Variants in DMD observed in about 807,000 individuals in gnomAD.
The protein encoded by DMD is mutant dystrophin.
A neutral mutation model predicts 330.1 loss-of-function variants in DMD; 63 were observed. The ratio of observed to expected loss-of-function variants is 0.19; its 90% CI spans 0.16 to 0.24. DMD has a LOEUF of 0.24. Ranked by LOEUF, DMD falls within the 10% of genes least tolerant of loss-of-function variation. The probability of loss-of-function intolerance (pLI) is 1.00; values close to 1 mark genes in which losing one functional copy is unlikely to be tolerated. For synonymous variants in DMD, 1,223 were observed against 959.8 expected (o/e 1.27, Z -5.07); for missense variants, 3,344 against 2,684.1 (o/e 1.25, Z -5.43).
chrX:31,774,048 C>A lies in DMD; in HGVS notation c.7454G>T (p.Trp2485Leu), dbSNP rs142500746. The A allele has an allele frequency of 8.3e-7, 1 of 1,207,993 alleles. No homozygotes were observed. Among genetic ancestry groups the A allele is most frequent in the African/African-American group, 1.8e-5 (1 of 56,537 alleles). ...FNRAWTELTD[W>L]LSLLDQVIKS... ...TATAACTTGATCAAGCAGAGAAAGC[C>A]AGTCGGTAAGTTCTGTCCAAGCCCG... The change falls in exon 51 of 79, where the codon TGG (tryptophan) becomes TTG (leucine). Residue 2485 changes from tryptophan (W) to leucine (L), a missense_variant. Physicochemically the swap from Trp to Leu is moderately conservative, Grantham distance 61. Coordinates refer to ENST00000357033, the MANE Select transcript of DMD (RefSeq NM_004006.3).
At position 32,936,061 on chromosome X, in the gene DMD, C is replaced by CA. The variant is rs758258526; in HGVS notation, c.93+84077dup. Among the ~76,000 whole-genome samples the CA allele has an allele frequency of 1.4e-4, 15 of 109,308 alleles. No homozygotes were observed. In the East Asian group the frequency reaches 3.4e-3, roughly 25 times the overall value. The allele number at this position is 109,308 out of a possible 115,157, so 94.9% of individuals were successfully genotyped here. On this transcript the variant is annotated intron_variant, in intron 2 of 78. Transcript: ENST00000357033. Reference sequence around the variant, plus strand: ...TTCTGTTCTTAATATTTCACACACACAAAAAAAACTGTCTAGAAACCACAG... The same window carrying CA: ...TTCTGTTCTTAATATTTCACACACACAAAAAAAAACTGTCTAGAAACCACAG...
At chrX:32,708,285 G>T (rs2064867516) in intron 7 of DMD, among the ~76,000 whole-genome samples, 1 of 100,315 alleles carries the variant, frequency 1.0e-5, no homozygotes, top group Non-Finnish European at 2.0e-5. Flanking sequence ...AAATGATCAG[G>T]TTTTTTTTTT....
In DMD at chrX:33,268,969, G is replaced by A. The variant is rs935778123; in HGVS notation, c.7+70290C>T. ...CTGGTGAGGCTGTAGATAAAAGGGAGTGCTTATACACTGTTGGTTGGAATG... is the reference window on the plus strand; with the variant it reads ...CTGGTGAGGCTGTAGATAAAAGGGAATGCTTATACACTGTTGGTTGGAATG... On this transcript the variant is annotated intron_variant, in intron 1 of 17. Coordinates refer to the DMD transcript ENST00000288447. Among the ~76,000 whole-genome samples the A allele has an allele frequency of 4.6e-4, 50 of 108,758 alleles. 1 individual carries two copies. Among genetic ancestry groups the A allele is most frequent in the Non-Finnish European group, 7.6e-5 (4 of 52,364 alleles). 94.4% of individuals were successfully genotyped at this position (108,758 alleles called of 115,157 possible).
intron 17 of DMD, among the ~76,000 whole-genome samples, chrX:32,519,933 G>A (rs2046257478): frequency 8.9e-6 from 1 of 111,841 alleles, no homozygotes; most frequent in African/African-American, 3.3e-5. Context: ...GCTGCCCATA[G>A]GATGAGATGG....
intron 63 of DMD, among the ~76,000 whole-genome samples, chrX:31,247,976 T>C (rs1026829166): frequency 1.8e-5 from 2 of 111,750 alleles, no homozygotes; most frequent in Non-Finnish European, 3.8e-5. Flanking sequence ...GCAGTCTTCA[T>C]TGTTGTCTTA....
intron 61 of DMD, among the ~76,000 whole-genome samples, chrX:31,325,008 A>G (rs751822296): frequency 1.8e-5 from 2 of 112,271 alleles, no homozygotes; most frequent in Non-Finnish European, 3.8e-5. Context: ...TTTAAACGAT[A>G]TAGGAAATGG....
rs985450615 is a variant in DMD at position 31,634,639 on chromosome X, A to T, written c.8028-6777T>A. ...AATCACGTAAGGAATTTTGAAAGACACATTTCATCTCTCATTTTTTTAACC... is the reference window on the plus strand; with the variant it reads ...AATCACGTAAGGAATTTTGAAAGACTCATTTCATCTCTCATTTTTTTAACC... On this transcript the variant is annotated intron_variant, in intron 54 of 78. Coordinates refer to ENST00000357033, the MANE Select transcript of DMD (RefSeq NM_004006.3). Among the ~76,000 whole-genome samples the T allele has an allele frequency of 8.1e-5, 9 of 111,801 alleles. No homozygotes were observed. The South Asian group carries it at 3.3e-3, about 41-fold the overall frequency.
At chrX:31,350,603 G>A (rs1372018038) in intron 60 of DMD, among the ~76,000 whole-genome samples, 1 of 45,903 alleles carries the variant, frequency 2.2e-5, no homozygotes, top group East Asian at 4.6e-4. Flanking sequence ...GTGTGTGTGT[G>A]TGTGTGTGTG....
At chrX:31,795,733 A>G (rs958047637) in intron 50 of DMD, among the ~76,000 whole-genome samples, 22 of 112,249 alleles carry the variant, frequency 2.0e-4, no homozygotes, top group African/African-American at 6.5e-4. Context: ...TCAGTAAAAT[A>G]TTATGATACT....
At chrX:31,749,513 T>C (rs1201389914) in intron 51 of DMD, among the ~76,000 whole-genome samples, 1 of 107,926 alleles carries the variant, frequency 9.3e-6, no homozygotes, top group Non-Finnish European at 1.9e-5. Context: ...ATGGTGTATA[T>C]GTGCCACATT....
intron 44 of DMD, among the ~76,000 whole-genome samples, chrX:32,204,689 G>A (rs1385664942): frequency 2.7e-5 from 3 of 110,288 alleles, no homozygotes; most frequent in Non-Finnish European, 5.7e-5. Context: ...TTGACTTACG[G>A]TTCTGCAGGC....
intron 9 of DMD, among the ~76,000 whole-genome samples, chrX:32,662,996 C>A (rs2061047322): frequency 8.9e-6 from 1 of 111,897 alleles, no homozygotes; most frequent in African/African-American, 3.2e-5. Flanking sequence ...ATGTAATTGA[C>A]CATCTTTAGC....
chrX:32,232,224 G>A (rs1000294904), intron 43 of DMD, among the ~76,000 whole-genome samples: 7 of 111,803 alleles, frequency 6.3e-5, no homozygotes, highest in Non-Finnish European at 1.3e-4. Context: ...CACCCATAAG[G>A]CAGAGGGAAC....
intron 61 of DMD, among the ~76,000 whole-genome samples, chrX:31,326,149 A>C (rs967126763): frequency 9.1e-6 from 1 of 110,328 alleles, no homozygotes; most frequent in Admixed American, 9.7e-5. Context: ...AACAACCTCT[A>C]AGCAGCGAGA....
chrX:32,038,565 C>T (rs1187802566), intron 44 of DMD, among the ~76,000 whole-genome samples: 1 of 110,784 alleles, frequency 9.0e-6, no homozygotes, highest in Non-Finnish European at 1.9e-5. Context: ...TTCCAAGTGT[C>T]AGGGACCTTG....
chrX:33,096,367 T>C (rs2095164791), intron 1 of DMD, among the ~76,000 whole-genome samples: 1 of 111,943 alleles, frequency 8.9e-6, no homozygotes, highest in African/African-American at 3.2e-5. Flanking sequence ...GCTCTGGAGA[T>C]TTTATAGAGG....
At chrX:31,140,326 T>A (rs755878458) in intron 76 of DMD, among the ~76,000 whole-genome samples, 5 of 112,696 alleles carry the variant, frequency 4.4e-5, no homozygotes, top group East Asian at 5.5e-4. Context: ...CTCTTTTTTT[T>A]AAAAAGGAGC....
chrX:31,978,707 T>C lies in DMD; in HGVS notation c.6439-10193A>G, dbSNP rs183450419. Among the ~76,000 whole-genome samples the C allele has an allele frequency of 4.0e-4, 45 of 111,679 alleles. No homozygotes were observed. In the East Asian group the frequency reaches 0.012, roughly 30 times the overall value. ...ACTCACAGTGACGTCCTGGTCATTC[T>C]CCAGACCTTTGACTATTCTCCATCC... On this transcript the variant is annotated intron_variant, in intron 44 of 78. Transcript: ENST00000357033.
intron 1 of DMD, among the ~76,000 whole-genome samples, chrX:33,182,122 AT>A (rs1241981762): frequency 8.9e-6 from 1 of 112,576 alleles, no homozygotes; most frequent in Non-Finnish European, 1.9e-5. Flanking sequence ...GGGGAAAAAA[AT>A]ATTACAAAAC....
Sources: allele counts gnomAD v4.1 joint callset (sites outside exome capture counted in the v4.1 genomes callset), GRCh38; gene constraint gnomAD v4.1.1; transcripts MANE v1.5; gene names NCBI Gene and HGNC (gene_info 2026-07-23, HGNC 2026-07-21).